The following SCAF11 variants were observed in gnomAD, a reference collection of about 807,000 sequenced individuals.
SCAF11 encodes protein SCAF11.
Under a neutral mutation model 140.5 loss-of-function variants are expected in SCAF11, and 47 were observed. The ratio of observed to expected loss-of-function variants is 0.33; its 90% confidence interval spans 0.26 to 0.43. SCAF11 has a LOEUF of 0.43. Ranked by LOEUF, SCAF11 falls within the 20% of genes least tolerant of loss-of-function variation. SCAF11 has a pLI of 1.00. For missense variants in SCAF11, 1,645 were observed against 1,705.1 expected (o/e 0.96, Z 0.62); for synonymous variants, 557 against 579.4 (o/e 0.96, Z 0.55).
chr12:45,933,467 G>C (rs1431677736), intron 8 of SCAF11, among the ~76,000 whole-genome samples: 4 of 152,030 alleles, frequency 2.6e-5, no homozygotes, highest in Non-Finnish European at 5.9e-5. Flanking sequence ...AATAACCCTT[G>C]AATTTCTATC....
At position 45,934,606 on chromosome 12, in the gene SCAF11, C is replaced by G. The variant is rs115285909; in HGVS notation, c.464-101G>C. Reference sequence around the variant, plus strand: ...CAGCACATTGGCAAGGGTTGAAATACGTAGAAAAGCTGTATTTCAAATAAT... The same window carrying G: ...CAGCACATTGGCAAGGGTTGAAATAGGTAGAAAAGCTGTATTTCAAATAAT... On this transcript the variant is annotated intron_variant, in intron 6 of 14. Coordinates refer to ENST00000369367, the MANE Select transcript of SCAF11 (RefSeq NM_004719.3). The G allele has an allele frequency of 2.6e-3, 1,691 of 646,150 alleles. 23 individuals are homozygous for G. In the African/African-American group the frequency reaches 0.029, roughly 11 times the overall value. The allele number at this position is 646,150 out of a possible 1,614,324, so 40.0% of individuals were successfully genotyped here. A position where few individuals can be genotyped will look rare whatever the true frequency, so the allele number is the denominator to read the frequency against.
intron 3 of SCAF11, chr12:45,961,364 G>A: frequency 1.4e-6 from 1 of 714,396 alleles, no homozygotes; most frequent in Non-Finnish European, 2.6e-6. Context: ...GGTGTTATTA[G>A]TGGTAAACAG....
intron 1 of SCAF11, among the ~76,000 whole-genome samples, chr12:45,973,160 C>A (rs368420758): frequency 6.8e-6 from 1 of 148,142 alleles, no homozygotes; most frequent in Admixed American, 6.7e-5. Flanking sequence ...AAAGTGAAAA[C>A]GGAAATAAAA....
At chr12:45,943,739 AAGTATAATG>A (rs2136555133) in intron 6 of SCAF11, among the ~76,000 whole-genome samples, 1 of 152,270 alleles carries the variant, frequency 6.6e-6, no homozygotes, top group South Asian at 2.1e-4. Context: ...TACCCACTCA[AAGTATAATG>A]AGTATTTCTG....
chr12:45,991,781 C>T, upstream of SCAF11: 7 of 837,072 alleles, frequency 8.4e-6, no homozygotes, highest in Non-Finnish European at 1.1e-5. Flanking sequence ...TGCCTGCCCT[C>T]AGTGTCCCCC....
chr12:45,979,569 T>G (rs1946305794), intron 1 of SCAF11, among the ~76,000 whole-genome samples: 2 of 152,202 alleles, frequency 1.3e-5, no homozygotes, highest in African/African-American at 4.8e-5. Context: ...ATCACTTTCT[T>G]CATACTAATC....
At chr12:45,941,343 T>C (rs1945297468) in intron 6 of SCAF11, among the ~76,000 whole-genome samples, 2 of 152,310 alleles carry the variant, frequency 1.3e-5, no homozygotes, top group South Asian at 4.1e-4. Flanking sequence ...CTGATATACG[T>C]ACACATTGTG....
Position 45,927,357 on chromosome 12 carries a change from C to G in SCAF11, c.2344G>C (p.Asp782His), listed in dbSNP as rs1274380593. The change falls in exon 11 of 15, where the codon GAT (aspartate) becomes CAT (histidine). Residue 782 changes from aspartate (D) to histidine (H), a missense_variant. By Grantham distance (81) the Asp-to-His change is moderately conservative. Transcript: ENST00000369367. ...CGAGTACGAGGCTTTTTGGTTTTATCTATGGTATCTTTTGGGCTTTCAGAT... is the reference window on the plus strand; with the variant it reads ...CGAGTACGAGGCTTTTTGGTTTTATGTATGGTATCTTTTGGGCTTTCAGAT... Reference protein sequence around the residue: ...QPSESPKDTIDKTKKPRTRRS... With the variant: ...QPSESPKDTIHKTKKPRTRRS... 6.2e-7 allele frequency: 1 copy of G among 1,613,648 alleles called. No individual in the cohort carries two copies.
chr12:45,924,997 T>C lies in SCAF11; in HGVS notation c.3637A>G (p.Asn1213Asp), dbSNP rs1255895148. ...LPINMMQPQM[N>D]VMQQQMNAQH... ...GCATTCATTTGTTGCTGCATTACAT[T>C]CATTTGCGGTTGCATCATATTTATA... Residue 1213 changes from asparagine to aspartate, a missense_variant, in exon 12 of 15, where the codon AAT becomes GAT. Physicochemically the swap from Asn to Asp is conservative, Grantham distance 23. Transcript: ENST00000369367. The C allele has an allele frequency of 1.2e-6, 2 of 1,614,210 alleles. No individual in the cohort carries two copies. The highest frequency in any genetic ancestry group is 2.7e-5 in the African/African-American group (2 of 75,046).
At chr12:45,942,644 G>C (rs1945332100) in intron 6 of SCAF11, among the ~76,000 whole-genome samples, 1 of 152,118 alleles carries the variant, frequency 6.6e-6, no homozygotes, top group Admixed American at 6.6e-5. Context: ...TACACTTGCT[G>C]TTCCCTTGCC....
At position 45,934,468 on chromosome 12, in the gene SCAF11, AT is replaced by A; in HGVS notation, c.500del (p.Asn167MetfsTer4). ...SLYSETGGKK[N>X]AAIKINKPQR... is the part of the protein sequence containing the mutation. ...AAACCTTATTTATCTTTATTGCTGCATTTTTCTTTCCTCCTGTTTCACTGTA... is the reference window on the plus strand; with the variant it reads ...AAACCTTATTTATCTTTATTGCTGCATTTTCTTTCCTCCTGTTTCACTGTA... On this transcript the variant is annotated frameshift_variant, in exon 7 of 15. Coordinates refer to ENST00000369367, the MANE Select transcript of SCAF11 (RefSeq NM_004719.3). LOFTEE classifies it high-confidence loss of function. 6.3e-7 allele frequency: 1 copy of A among 1,595,342 alleles called. No homozygotes were observed. The highest frequency in any genetic ancestry group is 8.5e-7 in the Non-Finnish European group (1 of 1,174,272).
At chr12:45,978,671 T>C (rs1946288164) in intron 1 of SCAF11, among the ~76,000 whole-genome samples, 1 of 152,102 alleles carries the variant, frequency 6.6e-6, no homozygotes, top group Non-Finnish European at 1.5e-5. Flanking sequence ...AACTGGTGAA[T>C]TTTTATCCTT....
In SCAF11 at chr12:45,961,773, A is replaced by G; in HGVS notation, c.146T>C (p.Leu49Ser). The change falls in exon 3 of 15, where the codon TTA becomes TCA. Residue 49 changes from leucine to serine, a missense_variant. Coordinates refer to ENST00000369367, the MANE Select transcript of SCAF11 (RefSeq NM_004719.3). ...DRCPICLNCL[L>S]EKEVGFPESC... ...TTCTGGAAAACCAACTTCCTTTTCT[A>G]ATAGACAATTAAGACATATTGGGCA... 3 of 1,613,178 alleles carry G rather than the reference A, an allele frequency of 1.9e-6. No homozygotes were observed. Among genetic ancestry groups the G allele is most frequent in the Non-Finnish European group, 2.5e-6 (3 of 1,179,368 alleles).
Position 45,926,596 on chromosome 12 carries a change from T to G in SCAF11, c.3105A>C (p.Arg1035Ser). Reference sequence around the variant, plus strand: ...CTTTCAACTTTTCTGGATTTCTGGTTCTTGGATCAGGCCCAGAGTTTATTT... The same window carrying G: ...CTTTCAACTTTTCTGGATTTCTGGTGCTTGGATCAGGCCCAGAGTTTATTT... The part of the protein sequence containing the change: ...TEKINSGPDP[R>S]TRNPEKLKES... The change falls in exon 11 of 15, where the codon AGA becomes AGC. Residue 1035 changes from arginine to serine, a missense_variant. Coordinates refer to ENST00000369367, the MANE Select transcript of SCAF11 (RefSeq NM_004719.3). 6.2e-7 allele frequency: 1 copy of G among 1,613,634 alleles called. No homozygotes were observed. Among genetic ancestry groups the G allele is most frequent in the Non-Finnish European group, 8.5e-7 (1 of 1,179,900 alleles).
chr12:45,934,765 A>G (rs181630776), intron 6 of SCAF11, among the ~76,000 whole-genome samples: 1 of 152,364 alleles, frequency 6.6e-6, no homozygotes, highest in East Asian at 1.9e-4. Flanking sequence ...TTTACAACAT[A>G]TGAGTTAAAA....
intron 1 of SCAF11, among the ~76,000 whole-genome samples, chr12:45,968,752 C>T (rs1946005433): frequency 1.3e-5 from 2 of 152,058 alleles, no homozygotes; most frequent in Non-Finnish European, 1.5e-5. Flanking sequence ...ACTAGCCTGA[C>T]CAACACGGTG....
intron 5 of SCAF11, among the ~76,000 whole-genome samples, chr12:45,946,620 GA>G (rs1456089498): frequency 1.3e-4 from 19 of 148,430 alleles, no homozygotes; most frequent in African/African-American, 4.7e-4. Flanking sequence ...AGAGCCAAGA[GA>G]ATTGGGTAAT....
intron 1 of SCAF11, among the ~76,000 whole-genome samples, chr12:45,978,200 C>T (rs1448749147): frequency 6.6e-6 from 1 of 152,052 alleles, no homozygotes; most frequent in African/African-American, 2.4e-5. Flanking sequence ...CCTTTGATAA[C>T]TTCAATATAT....
At chr12:45,935,291 C>T (rs762937931) in intron 6 of SCAF11, among the ~76,000 whole-genome samples, 1 of 152,168 alleles carries the variant, frequency 6.6e-6, no homozygotes, top group African/African-American at 2.4e-5. Context: ...TAATAGCATA[C>T]TAATTTCCTT....
Sources: gnomAD v4.1 joint callset for allele counts (sites outside exome capture counted in the v4.1 genomes callset) on GRCh38, gnomAD v4.1.1 for gene constraint, MANE v1.5 for transcripts, NCBI Gene and HGNC (gene_info 2026-07-23, HGNC 2026-07-21) for gene names.